Variants in C3 observed in about 807,000 individuals in gnomAD.
The protein encoded by C3 is C3 and PZP-like alpha-2-macroglobulin domain-containing protein 1.
C3 carries 97 observed loss-of-function variants against 207.9 expected under a neutral mutation model. The ratio of observed to expected loss-of-function variants is 0.47; its 90% CI spans 0.40 to 0.55. C3 has a LOEUF of 0.55. Among genes scored for constraint, C3 ranks in the 20% least tolerant of loss-of-function variants. The probability of loss-of-function intolerance (pLI) is 0.00; values close to 1 mark genes in which losing one functional copy is unlikely to be tolerated. For synonymous variants in C3, 848 were observed against 857.6 expected (o/e 0.99, Z 0.20); for missense variants, 1,684 against 2,171.7 (o/e 0.78, Z 4.46).
At chr19:6,706,799 C>T (rs941870704) in intron 17 of C3, among the ~76,000 whole-genome samples, 4 of 149,256 alleles carry the variant, frequency 2.7e-5, no homozygotes, top group African/African-American at 9.9e-5. Context: ...CCTCCTCCCT[C>T]CTCAGACGGG....
Position 6,707,949 on chromosome 19 carries a change from G to C in C3, c.1846-20C>G. 6.2e-7 allele frequency: 1 copy of C among 1,613,008 alleles called. No homozygotes were observed. The highest frequency in any genetic ancestry group is 8.5e-7 in the Non-Finnish European group (1 of 1,179,910). On this transcript the variant is annotated intron_variant, in intron 14 of 40. Coordinates refer to ENST00000245907, the MANE Select transcript of C3 (RefSeq NM_000064.4). ...CCAGATCTGCGGGGGGCATAGGGGT[G>C]GCGGGACGCAGGGAGGCCAGGCTGA...
chr19:6,707,729 A>G lies in C3; in HGVS notation c.1975+71T>C. ...TTGAACCCAGGCCCCCGGTTTCCAG[A>G]GCTCTGCTCCCAGCATCTGGGAGGT... is the stretch of plus-strand genomic sequence containing the variant. On this transcript the variant is annotated intron_variant, in intron 15 of 40. Coordinates refer to ENST00000245907, the MANE Select transcript of C3 (RefSeq NM_000064.4). 2.5e-6 allele frequency: 4 copies of G among 1,603,674 alleles called. No individual in the cohort carries two copies. The South Asian group carries it at 3.3e-5, about 13-fold the overall frequency.
intron 14 of C3, 68 bp downstream of exon 14, chr19:6,709,616 C>CCCCCCG: frequency 1.0e-6 from 1 of 999,568 alleles, no homozygotes; most frequent in Non-Finnish European, 1.6e-6. Flanking sequence ...TCCAGTCCCA[C>CCCCCCG]CCACCTCCCC....
intron 13 of C3, 133 bp downstream of exon 13, chr19:6,710,506 A>T: frequency 1.4e-6 from 1 of 695,846 alleles, no homozygotes; most frequent in Non-Finnish European, 2.5e-6. Context: ...AGAGAAAGGG[A>T]GAGGAAGAGA....
chr19:6,681,244 T>A lies in C3; in HGVS notation c.4350+697A>T, dbSNP rs554750694. Among the ~76,000 whole-genome samples the A allele has an allele frequency of 4.7e-5, 7 of 149,532 alleles. No individual in the cohort carries two copies. The East Asian group carries it at 1.2e-3, about 25-fold the overall frequency. ...CATATCTACAAACTTTTTTTTTTTT[T>A]AATTCACTGGGCATGGTGGCATGCA... On this transcript the variant is annotated intron_variant, in intron 35 of 40. Transcript: ENST00000245907.
intron 28 of C3, 91 bp downstream of exon 28, chr19:6,686,655 G>C (rs1918016763): frequency 7.3e-7 from 1 of 1,361,604 alleles, no homozygotes. Context: ...ATCTGTCCCA[G>C]CTCAGCTAAA....
chr19:6,710,336 G>T (rs1967886842), intron 13 of C3, among the ~76,000 whole-genome samples: 1 of 134,362 alleles, frequency 7.4e-6, no homozygotes, highest in Non-Finnish European at 1.6e-5. Flanking sequence ...AGAGAGAAAA[G>T]GAGAGAGAGA....
In C3 at chr19:6,707,153, A is replaced by G; in HGVS notation, c.2168T>C (p.Val723Ala). ...FISLGEACKKVFLDCCNYITE... is the reference protein window; with the variant it reads ...FISLGEACKKAFLDCCNYITE... ...GATGTAGTTGCAGCAGTCCAGGAAG[A>G]CCTTCTTGCACGCCTCGCCCAGGGA... Residue 723 changes from valine to alanine, a missense_variant, in exon 17 of 41, where the codon GTC becomes GCC. Transcript: ENST00000245907. 6.2e-7 allele frequency: 1 copy of G among 1,613,648 alleles called. No homozygotes were observed. The highest frequency in any genetic ancestry group is 8.5e-7 in the Non-Finnish European group (1 of 1,179,856).
chr19:6,705,926 G>A (rs891638302), intron 17 of C3, among the ~76,000 whole-genome samples: 28 of 151,466 alleles, frequency 1.8e-4, no homozygotes, highest in Admixed American at 9.9e-4. Context: ...CATCCACCTC[G>A]GCCTCCCAAA....
intron 15 of C3, 38 bp from the exon 16 acceptor site, chr19:6,707,575 C>T: frequency 6.2e-7 from 1 of 1,610,690 alleles, no homozygotes; most frequent in South Asian, 1.1e-5. Flanking sequence ...ATGGATGAGG[C>T]ACCTACTAGG....
In C3 at chr19:6,712,599, C is replaced by T. The variant is rs373511900; in HGVS notation, c.1028G>A (p.Arg343His). The change falls in exon 10 of 41, where the codon CGC becomes CAC. Residue 343 changes from arginine (R) to histidine (H), a missense_variant. Transcript: ENST00000245907. ...AGAGGTCACGATGGGGATCCCGCTG[C>T]GCTCTGCCTGCACCATGTCACTGCC... ...HSGSDMVQAERSGIPIVTSPY... is the reference protein window; with the variant it reads ...HSGSDMVQAEHSGIPIVTSPY... 6.8e-6 allele frequency: 11 copies of T among 1,613,966 alleles called. No individual in the cohort carries two copies. Among genetic ancestry groups the T allele is most frequent in the African/African-American group, 5.3e-5 (4 of 74,900 alleles).
Position 6,711,897 on chromosome 19 carries a change from G to A in C3, c.1269+360C>T, listed in dbSNP as rs371770191. On this transcript the variant is annotated intron_variant, in intron 11 of 40. Transcript: ENST00000245907. ...TCCCCCATGGGAGTGGAAAGACTGT[G>A]CGTGGATGGAGCGCCTCTCCGTGTA... Among the ~76,000 whole-genome samples the A allele has an allele frequency of 1.1e-4, 16 of 152,334 alleles. No homozygotes were observed. The East Asian group carries it at 3.1e-3, about 29-fold the overall frequency.
chr19:6,685,622 A>ACTGGAGCCTGAAGTTG (rs1266405736), intron 29 of C3, among the ~76,000 whole-genome samples: 2 of 152,210 alleles, frequency 1.3e-5, no homozygotes, highest in East Asian at 3.8e-4. Context: ...AAGGAGGCCA[A>ACTGGAGCCTGAAGTTG]CTGGAGCCTG....
At position 6,684,667 on chromosome 19, in the gene C3, G is replaced by A. The variant is rs750141919; in HGVS notation, c.4030-17C>T. ...TGTCACCACCTGGTAAGATGGGAGA[G>A]GAGACACAATGTCAGCCCACAGGAC... is the stretch of plus-strand genomic sequence containing the variant. On this transcript the variant is annotated splice_polypyrimidine_tract_variant and intron_variant, in intron 31 of 40. Coordinates refer to ENST00000245907, the MANE Select transcript of C3 (RefSeq NM_000064.4). 1.2e-6 allele frequency: 2 copies of A among 1,608,922 alleles called. No individual in the cohort carries two copies. Among genetic ancestry groups the A allele is most frequent in the Non-Finnish European group, 1.7e-6 (2 of 1,175,328 alleles).
intron 19 of C3, among the ~76,000 whole-genome samples, chr19:6,700,878 A>G (rs891933786): frequency 7.4e-5 from 11 of 148,724 alleles, no homozygotes; most frequent in African/African-American, 2.7e-4. Flanking sequence ...ATAAATTATA[A>G]TAAACCATAT....
intron 15 of C3, 101 bp downstream of exon 15, chr19:6,707,699 G>A (rs967126165): frequency 1.7e-5 from 26 of 1,565,596 alleles, no homozygotes; most frequent in East Asian, 1.3e-4. Context: ...TGGTGGAGGC[G>A]GGGCTTGAAC....
At chr19:6,716,514 G>A (rs1968037405) in intron 4 of C3, 1 of 152,274 alleles carries the variant, frequency 6.6e-6, no homozygotes, top group Non-Finnish European at 1.5e-5. Flanking sequence ...GGGATTACAA[G>A]TGTGAGCCAC....
chr19:6,681,300 G>A (rs1234378707), intron 35 of C3, among the ~76,000 whole-genome samples: 6 of 148,356 alleles, frequency 4.0e-5, no homozygotes, highest in Admixed American at 1.4e-4. Context: ...GGAAGCAGAG[G>A]TGGGAGGATC....
At chr19:6,684,226 A>C (rs1243836843) in intron 33 of C3, 162 bp downstream of exon 33, 1 of 748,550 alleles carries the variant, frequency 1.3e-6, no homozygotes, top group Non-Finnish European at 2.4e-6. Context: ...TAACATGCAA[A>C]GCAAGGACTG....
Sources: gnomAD v4.1 joint callset for allele counts (sites outside exome capture counted in the v4.1 genomes callset) on GRCh38, gnomAD v4.1.1 for gene constraint, MANE v1.5 for transcripts, NCBI Gene and HGNC (gene_info 2026-07-23, HGNC 2026-07-21) for gene names.